The following SRRM2 variants were observed in gnomAD, a reference collection of about 807,000 sequenced individuals.
The protein encoded by SRRM2 is serine/arginine repetitive matrix 2.
Under a neutral mutation model 213.8 loss-of-function variants are expected in SRRM2, and 30 were observed. The ratio of observed to expected loss-of-function variants is 0.14; its 90% CI spans 0.10 to 0.19. The LOEUF (loss-of-function observed/expected upper bound fraction) is 0.19, where lower values mean the gene tolerates loss of function less well. SRRM2 is among the 10% of genes least tolerant of loss of function. The pLI, the probability that SRRM2 is intolerant of heterozygous loss-of-function variation, is 1.00. For synonymous variants in SRRM2, 2,025 were observed against 1,377.7 expected (o/e 1.47, Z -10.40); for missense variants, 4,904 against 3,647.0 (o/e 1.34, Z -8.88).
chr16:2,762,598 G>A lies in SRRM2; in HGVS notation c.2070G>A (p.Gly690=), dbSNP rs946697957. The A allele has an allele frequency of 3.1e-6, 5 of 1,613,876 alleles. No homozygotes were observed. The highest frequency in any genetic ancestry group is 4.2e-6 in the Non-Finnish European group (5 of 1,180,022). The part of the protein sequence containing the change: ...RSRSRTPARR[G]RSRSRTPRRG... ...GCTCCAGAACACCAGCCAGGAGAGG[G>A]AGGTCTCGGTCTAGGACACCAAGAC... The change falls in exon 11 of 15, where the codon GGG becomes GGA. Residue 690 remains glycine, a synonymous_variant. Transcript: ENST00000301740.
In SRRM2 at chr16:2,761,894, T is replaced by C. The variant is rs770865590; in HGVS notation, c.1366T>C (p.Ser456Pro). The C allele has an allele frequency of 1.9e-6, 3 of 1,613,000 alleles. No individual in the cohort carries two copies. The highest frequency in any genetic ancestry group is 1.1e-5 in the South Asian group (1 of 91,060). The change falls in exon 11 of 15, where the codon TCT (serine) becomes CCT (proline). Residue 456 changes from serine (S) to proline (P), a missense_variant. Ser to Pro is a moderately conservative substitution (Grantham distance 74, BLOSUM62 -1). Transcript: ENST00000301740. ...AGGGTCCCACCGAGAGATTTCTTCTTCTCCCACATCTAAGAATCGCTCACA... is the reference window on the plus strand; with the variant it reads ...AGGGTCCCACCGAGAGATTTCTTCTCCTCCCACATCTAAGAATCGCTCACA... ...APGSHREISS[S>P]PTSKNRSHGR...
rs1011723798 is a variant in SRRM2, at chr16:2,763,665, G to T, written c.3137G>T (p.Gly1046Val). 6.2e-7 allele frequency: 1 copy of T among 1,614,138 alleles called. No individual in the cohort carries two copies. Among genetic ancestry groups the T allele is most frequent in the Non-Finnish European group, 8.5e-7 (1 of 1,180,036 alleles). The change falls in exon 11 of 15, where the codon GGC (glycine) becomes GTC (valine). Residue 1046 changes from glycine to valine, a missense_variant. Coordinates refer to ENST00000301740, the MANE Select transcript of SRRM2 (RefSeq NM_016333.4). ...CAGVKSSTPP[G>V]ESYFGVSSLQ... ...GGAGTAAAATCTAGCACACCACCAGGCGAGAGCTATTTTGGTGTCTCATCT... is the reference window on the plus strand; with the variant it reads ...GGAGTAAAATCTAGCACACCACCAGTCGAGAGCTATTTTGGTGTCTCATCT...
rs1309080330 is a variant in SRRM2, at chr16:2,764,110, T to C, written c.3582T>C (p.Asp1194=). 1.9e-6 allele frequency: 3 copies of C among 1,614,020 alleles called. No individual in the cohort carries two copies. The highest frequency in any genetic ancestry group is 4.5e-5 in the East Asian group (2 of 44,896). The part of the protein sequence containing the change: ...KDKFSPFPVQ[D]RPESSLVFKD... ...AATTTAGTCCCTTTCCAGTACAGGATAGGCCTGAGTCTTCACTGGTATTCA... is the reference window on the plus strand; with the variant it reads ...AATTTAGTCCCTTTCCAGTACAGGACAGGCCTGAGTCTTCACTGGTATTCA... The change falls in exon 11 of 15, where the codon GAT becomes GAC. Residue 1194 remains aspartate (D), a synonymous_variant. Transcript: ENST00000301740.
chr16:2,765,132 A>G lies in SRRM2; in HGVS notation c.4604A>G (p.Gln1535Arg), dbSNP rs1361349432. 6.2e-7 allele frequency: 1 copy of G among 1,614,216 alleles called. No homozygotes were observed. The highest frequency in any genetic ancestry group is 8.5e-7 in the Non-Finnish European group (1 of 1,180,042). The change falls in exon 11 of 15, where the codon CAG becomes CGG. Residue 1535 changes from glutamine to arginine, a missense_variant. Coordinates refer to ENST00000301740, the MANE Select transcript of SRRM2 (RefSeq NM_016333.4). ...QKTVARTPLG[Q>R]RSRSGSSQEL... ...ACTGTGGCTCGGACTCCCCTGGGGCAGAGAAGTCGTTCGGGATCCTCTCAA... is the reference window on the plus strand; with the variant it reads ...ACTGTGGCTCGGACTCCCCTGGGGCGGAGAAGTCGTTCGGGATCCTCTCAA...
In SRRM2 at chr16:2,771,306, G is replaced by A. The variant is rs915288816; in HGVS notation, c.*439G>A. ...TCCCTACTGTCCCCCATGAGGTTGT[G>A]AACCCCTCCCCCCAACTTTTCATGT... On this transcript the variant is annotated 3_prime_UTR_variant, in exon 15 of 15. Transcript: ENST00000301740. The A allele has an allele frequency of 1.7e-6, 2 of 1,148,384 alleles. No homozygotes were observed. Among genetic ancestry groups the A allele is most frequent in the South Asian group, 1.3e-5 (1 of 79,912 alleles). 71.1% of individuals were successfully genotyped at this position (1,148,384 alleles called of 1,614,324 possible).
In SRRM2 at chr16:2,768,214, C is replaced by T. The variant is rs1296564857; in HGVS notation, c.7686C>T (p.Asp2562=). The change falls in exon 11 of 15, where the codon GAC becomes GAT. Residue 2562 remains aspartate, a synonymous_variant. Coordinates refer to ENST00000301740, the MANE Select transcript of SRRM2 (RefSeq NM_016333.4). The part of the protein sequence containing the change: ...SSSSSGSSSS[D]SEGSSLPVQP... The stretch of plus-strand genomic sequence containing the variant: ...CCTCCTCTGGCTCCAGTTCTAGTGA[C>T]TCAGAGGGCTCTAGCCTTCCTGTGC... 5 of 1,597,478 alleles carry T rather than the reference C, an allele frequency of 3.1e-6. No homozygotes were observed. Among genetic ancestry groups the T allele is most frequent in the Middle Eastern group, 1.7e-4 (1 of 5,964 alleles).
At position 2,763,393 on chromosome 16, in the gene SRRM2, C is replaced by T. The variant is rs932519010; in HGVS notation, c.2865C>T (p.Pro955=). 6 of 1,614,134 alleles carry T rather than the reference C, an allele frequency of 3.7e-6. No homozygotes were observed. The highest frequency in any genetic ancestry group is 4.2e-6 in the Non-Finnish European group (5 of 1,180,058). ...TTPRRSRSVS[P]CSNVESRLLP... Reference sequence around the variant, plus strand: ...CACGGCGAAGCAGATCAGTATCTCCCTGCTCCAATGTGGAATCCAGATTGT... The same window carrying T: ...CACGGCGAAGCAGATCAGTATCTCCTTGCTCCAATGTGGAATCCAGATTGT... The change falls in exon 11 of 15, where the codon CCC becomes CCT. Residue 955 remains proline, a synonymous_variant. Transcript: ENST00000301740.
chr16:2,761,281 ATTC>A (rs1253031461), intron 10 of SRRM2, among the ~76,000 whole-genome samples: 2 of 152,094 alleles, frequency 1.3e-5, no homozygotes, highest in African/African-American at 2.4e-5. Context: ...GTTTTTTTCC[ATTC>A]TTATAACATT....
intron 1 of SRRM2, among the ~76,000 whole-genome samples, chr16:2,755,113 A>G (rs977385372): frequency 3.3e-5 from 5 of 152,214 alleles, no homozygotes; most frequent in Admixed American, 3.3e-4. Context: ...TGCATGTTCT[A>G]GGAAACTATC....
chr16:2,766,639 A>G lies in SRRM2; in HGVS notation c.6111A>G (p.Leu2037=). ...GCTCTAGATCTCGAACGCCACTGTT[A>G]CCACGCAAACGTTCTCGAAGTCGCT... The part of the protein sequence containing the change: ...RRRSRSRTPL[L]PRKRSRSRSP... The change falls in exon 11 of 15, where the codon TTA becomes TTG. Residue 2037 remains leucine (L), a synonymous_variant. Coordinates refer to ENST00000301740, the MANE Select transcript of SRRM2 (RefSeq NM_016333.4). The surrounding 1 kb of genome is among the most constrained non-coding windows in gnomAD (Gnocchi z 7.0). The G allele has an allele frequency of 6.2e-7, 1 of 1,613,866 alleles. No individual in the cohort carries two copies. The highest frequency in any genetic ancestry group is 8.5e-7 in the Non-Finnish European group (1 of 1,179,900).
intron 10 of SRRM2, among the ~76,000 whole-genome samples, 171 bp from the exon 11 acceptor site, chr16:2,761,389 GT>G (rs778586467): frequency 1.3e-4 from 20 of 152,164 alleles, no homozygotes; most frequent in Non-Finnish European, 2.5e-4. Flanking sequence ...ATATTCATAT[GT>G]TTTCACCACT....
chr16:2,761,482 A>G, intron 10 of SRRM2, 79 bp from the exon 11 acceptor site: 1 of 1,197,688 alleles, frequency 8.3e-7, no homozygotes, highest in South Asian at 2.2e-5. Flanking sequence ...TATCATTGGA[A>G]AGGGTGTTGG....
chr16:2,770,614 G>A lies in SRRM2; in HGVS notation c.8146G>A (p.Glu2716Lys), dbSNP rs765279278. ...TGTCCTGTGTTGCAGCAGCAGCAGT[G>A]AGCGGGGTTCCCGGAGAGGCCAGCG... ...SPRDQQSSSS[E>K]RGSRRGQRGD... The change falls in exon 14 of 15, where the codon GAG becomes AAG. Residue 2716 changes from glutamate (E) to lysine (K), a missense_variant. Transcript: ENST00000301740. The A allele has an allele frequency of 1.1e-5, 17 of 1,552,866 alleles. No individual in the cohort carries two copies. Among genetic ancestry groups the A allele is most frequent in the Non-Finnish European group, 1.5e-5 (17 of 1,147,914 alleles).
In SRRM2 at chr16:2,766,954, T is replaced by C; in HGVS notation, c.6426T>C (p.Ser2142=). 1 of 1,614,124 alleles carries C rather than the reference T, an allele frequency of 6.2e-7. No homozygotes were observed. Among genetic ancestry groups the C allele is most frequent in the South Asian group, 1.1e-5 (1 of 91,084 alleles). The part of the protein sequence containing the change: ...SPGMLEPLGS[S]RTPMSVLQQA... ...GAATGCTTGAACCCCTTGGCAGCTC[T>C]AGAACACCCATGTCTGTCCTGCAGC... The change falls in exon 11 of 15, where the codon TCT becomes TCC. Residue 2142 remains serine, a synonymous_variant. Coordinates refer to ENST00000301740, the MANE Select transcript of SRRM2 (RefSeq NM_016333.4). The surrounding 1 kb of genome is among the most constrained non-coding windows in gnomAD (Gnocchi z 7.0).
Position 2,766,681 on chromosome 16 carries a change from C to G in SRRM2, c.6153C>G (p.Arg2051=). The change falls in exon 11 of 15, where the codon CGC becomes CGG. Residue 2051 remains arginine, a synonymous_variant. Transcript: ENST00000301740. This position sits in a 1 kb window ranked among gnomAD's most constrained non-coding sequence, Gnocchi z 7.0. ...RSRSRSPLAI[R]RRSRSRTPRT... ...GAAGTCGCTCACCACTTGCTATCCG[C>G]CGCCGCTCCAGATCCCGTACTCCAC... 6.2e-7 allele frequency: 1 copy of G among 1,614,172 alleles called. No individual in the cohort carries two copies. The highest frequency in any genetic ancestry group is 2.2e-5 in the East Asian group (1 of 44,886).
At chr16:2,753,870 TGTCCATTTTTTTCGACAA>T (rs1248030587) in intron 1 of SRRM2, among the ~76,000 whole-genome samples, 7 of 152,202 alleles carry the variant, frequency 4.6e-5, no homozygotes, top group African/African-American at 1.4e-4. Flanking sequence ...TGCTTGCTGA[TGTCCATTTTTTTCGACAA>T]CCCTTGTCTC....
At position 2,756,338 on chromosome 16, in the gene SRRM2, G is replaced by T. The variant is rs770049190; in HGVS notation, c.-27G>T. 3 of 1,575,112 alleles carry T rather than the reference G, an allele frequency of 1.9e-6. No individual in the cohort carries two copies. Among genetic ancestry groups the T allele is most frequent in the African/African-American group, 2.7e-5 (2 of 74,036 alleles). ...TGTCTCCCCGCTCCCCCTCAGGAGC[G>T]GTGGTGCCCCCCCCGGGCACGGGGC... On this transcript the variant is annotated 5_prime_UTR_variant, in exon 2 of 15. Transcript: ENST00000301740.
At chr16:2,760,733 C>T (rs59625940) in intron 10 of SRRM2, 4 of 515,704 alleles carry the variant, frequency 7.8e-6, no homozygotes, top group South Asian at 4.5e-5. Flanking sequence ...TATATTGTGT[C>T]TTGTTTATAC....
rs1334106403 is a variant in SRRM2, at chr16:2,752,670, C to T, written c.-208C>T. On this transcript the variant is annotated 5_prime_UTR_variant, in exon 1 of 15. Coordinates refer to ENST00000301740, the MANE Select transcript of SRRM2 (RefSeq NM_016333.4). Reference sequence around the variant, plus strand: ...CGTGCAGCGCGGCCCAGGCGGGGTGCGAGTGGCGCAGTTGGAGCCCGTTGC... The same window carrying T: ...CGTGCAGCGCGGCCCAGGCGGGGTGTGAGTGGCGCAGTTGGAGCCCGTTGC... 1 of 276,074 alleles carries T rather than the reference C, an allele frequency of 3.6e-6. No individual in the cohort carries two copies. Among genetic ancestry groups the T allele is most frequent in the South Asian group, 2.5e-5 (1 of 39,258 alleles). The allele number at this position is 276,074 out of a possible 1,614,324, so 17.1% of individuals were successfully genotyped here. A position where few individuals can be genotyped will look rare whatever the true frequency, so the allele number is the denominator to read the frequency against.
Sources: gnomAD v4.1 joint callset for allele counts (sites outside exome capture counted in the v4.1 genomes callset) on GRCh38, gnomAD v4.1.1 for gene constraint, Gnocchi (gnomAD v3.1) non-coding constraint, MANE v1.5 for transcripts, NCBI Gene and HGNC (gene_info 2026-07-23, HGNC 2026-07-21) for gene names.